The following SLC17A6 variants were observed in gnomAD, a reference collection of about 807,000 sequenced individuals.
SLC17A6 encodes the protein solute carrier family 17 member 6, also known as vesicular glutamate transporter 2.
In SLC17A6, 35 loss-of-function variants were observed where a neutral mutation model predicts 67.1. That is an observed-to-expected ratio of 0.52 (90% CI 0.40 to 0.69). SLC17A6 has a LOEUF of 0.69. Among genes scored for constraint, SLC17A6 ranks in the 30% least tolerant of loss-of-function variants. The probability of loss-of-function intolerance (pLI) is 0.00; values close to 1 mark genes in which losing one functional copy is unlikely to be tolerated. For synonymous variants in SLC17A6, 285 were observed against 252.3 expected, an observed-to-expected ratio of 1.13 and a Z score of -1.23; for missense variants, 588 against 723.9, an observed-to-expected ratio of 0.81 and a Z score of 2.15.
chr11:22,375,925 G>A (rs984362207), intron 9 of SLC17A6, 57 bp from the exon 10 acceptor site: 7 of 1,231,720 alleles, frequency 5.7e-6, no homozygotes, highest in Admixed American at 1.8e-5. Flanking sequence ...AGCAGTTTTG[G>A]CTCATTGGTA....
rs759033853 is a variant in SLC17A6 at position 22,365,660 on chromosome 11, G to A, written c.862G>A (p.Glu288Lys). The part of the protein sequence containing the change: ...ERRYIEESIG[E>K]SANLLGAMEK... Reference sequence around the variant, plus strand: ...TAGGTACATAGAAGAAAGCATTGGAGAGAGTGCAAATCTTTTAGGTGCAAT... The same window carrying A: ...TAGGTACATAGAAGAAAGCATTGGAAAGAGTGCAAATCTTTTAGGTGCAAT... Residue 288 changes from glutamate to lysine, a missense_variant, in exon 7 of 12, where the codon GAG (glutamate) becomes AAG (lysine). By Grantham distance (56) the Glu-to-Lys change is moderately conservative (BLOSUM62 1). Around this residue, in one of 4 missense-constraint regions of SLC17A6, gnomAD observed 414 missense variants for 563.4 expected, o/e 0.73. Coordinates refer to ENST00000263160, the MANE Select transcript of SLC17A6 (RefSeq NM_020346.3). 6.2e-7 allele frequency: 1 copy of A among 1,613,654 alleles called. No individual in the cohort carries two copies. The highest frequency in any genetic ancestry group is 1.1e-5 in the South Asian group (1 of 91,036).
At chr11:22,364,726 T>C in intron 6 of SLC17A6, among the ~76,000 whole-genome samples, 1 of 152,016 alleles carries the variant, frequency 6.6e-6, no homozygotes, top group Admixed American at 6.6e-5. Context: ...GAGGGAAAAA[T>C]GAAATGGCCA....
At chr11:22,373,753 G>A (rs896333252) in intron 8 of SLC17A6, among the ~76,000 whole-genome samples, 1 of 152,088 alleles carries the variant, frequency 6.6e-6, no homozygotes, top group Non-Finnish European at 1.5e-5. Context: ...GGATGGAAGA[G>A]ATCATTCTAT....
chr11:22,345,996 A>C (rs1855871523), intron 3 of SLC17A6, among the ~76,000 whole-genome samples: 1 of 152,214 alleles, frequency 6.6e-6, no homozygotes, highest in East Asian at 1.9e-4. Context: ...ATTTCCTATT[A>C]TGATCTCTTT....
chr11:22,362,138 T>C, intron 5 of SLC17A6: 1 of 269,330 alleles, frequency 3.7e-6, no homozygotes, highest in East Asian at 1.2e-4. Flanking sequence ...ATCATGAGAA[T>C]TGTCAGTATG....
At chr11:22,341,407 G>T (rs879582987) in intron 1 of SLC17A6, 121 bp from the exon 2 acceptor site, 3 of 1,408,512 alleles carry the variant, frequency 2.1e-6, no homozygotes, top group Non-Finnish European at 2.9e-6. Flanking sequence ...TAATCCCCGA[G>T]GGTGGGGGGA....
chr11:22,344,862 C>T (rs1468168400), intron 3 of SLC17A6, among the ~76,000 whole-genome samples: 2 of 151,942 alleles, frequency 1.3e-5, no homozygotes, highest in African/African-American at 2.4e-5. Flanking sequence ...GTTTTTAGAT[C>T]CCCAATATAT....
intron 3 of SLC17A6, among the ~76,000 whole-genome samples, chr11:22,349,939 C>G (rs1021277280): frequency 5.9e-5 from 9 of 152,162 alleles, no homozygotes; most frequent in African/African-American, 2.2e-4. Context: ...GAACACTAGT[C>G]TCCTGTTAAG....
intron 7 of SLC17A6, among the ~76,000 whole-genome samples, chr11:22,366,320 C>T (rs1234651736): frequency 3.9e-5 from 6 of 151,932 alleles, no homozygotes; most frequent in African/African-American, 1.5e-4. Context: ...TAACTGAAAC[C>T]TCAGAAAGTG....
intron 7 of SLC17A6, among the ~76,000 whole-genome samples, chr11:22,366,659 T>C (rs1856116070): frequency 6.6e-6 from 1 of 152,158 alleles, no homozygotes; most frequent in Admixed American, 6.5e-5. Flanking sequence ...ACTGATACAT[T>C]GTACATAGTA....
intron 2 of SLC17A6, among the ~76,000 whole-genome samples, chr11:22,342,563 C>A (rs954414529): frequency 1.3e-5 from 2 of 152,098 alleles, no homozygotes; most frequent in Non-Finnish European, 2.9e-5. Context: ...CCCCAGTTTA[C>A]CTTGAGGTTC....
At position 22,339,362 on chromosome 11, in the gene SLC17A6, T is replaced by A. The variant is rs199865092; in HGVS notation, c.86+743T>A. 5.3e-5 allele frequency among the ~76,000 whole-genome samples: 8 copies of A among 151,712 alleles called. No individual in the cohort carries two copies. The East Asian group carries it at 1.5e-3, about 29-fold the overall frequency. ...TTCTCTGAGCCTGAAACAATGTATATGCATTTTTAATTATTTTCATCTCCT... is the reference window on the plus strand; with the variant it reads ...TTCTCTGAGCCTGAAACAATGTATAAGCATTTTTAATTATTTTCATCTCCT... On this transcript the variant is annotated intron_variant, in intron 1 of 11. Transcript: ENST00000263160.
chr11:22,360,520 T>A (rs1590387794), intron 4 of SLC17A6, among the ~76,000 whole-genome samples: 2 of 127,532 alleles, frequency 1.6e-5, no homozygotes, highest in African/African-American at 2.8e-5. Flanking sequence ...AAAAACCCGC[T>A]CTCCTTCCCC....
chr11:22,371,500 T>C (rs541610069), intron 8 of SLC17A6, among the ~76,000 whole-genome samples: 2 of 151,974 alleles, frequency 1.3e-5, no homozygotes, highest in East Asian at 3.9e-4. Context: ...CTTTGGGAAC[T>C]CTGAGAGGTG....
intron 3 of SLC17A6, among the ~76,000 whole-genome samples, chr11:22,344,046 C>A (rs2133859205): frequency 6.6e-6 from 1 of 152,226 alleles, no homozygotes; most frequent in South Asian, 2.1e-4. Context: ...AGCATAAGAC[C>A]TAAGGACCGA....
chr11:22,352,570 A>T (rs952635240), intron 3 of SLC17A6, among the ~76,000 whole-genome samples: 1 of 152,348 alleles, frequency 6.6e-6, no homozygotes, highest in African/African-American at 2.4e-5. Context: ...AGAACATGCC[A>T]TATGAAAAGC....
chr11:22,365,884 T>G (rs561916946), intron 7 of SLC17A6, among the ~76,000 whole-genome samples, 195 bp downstream of exon 7: 1 of 152,292 alleles, frequency 6.6e-6, no homozygotes, highest in South Asian at 2.1e-4. Flanking sequence ...TTTTTTTCCT[T>G]TATCCTTTCT....
chr11:22,352,802 A>G (rs555659990), intron 3 of SLC17A6, among the ~76,000 whole-genome samples: 3 of 152,302 alleles, frequency 2.0e-5, no homozygotes, highest in South Asian at 4.1e-4. Context: ...GTGGAAGGAC[A>G]CTGAGACAGT....
At chr11:22,362,237 T>C in intron 5 of SLC17A6, 2 of 475,468 alleles carry the variant, frequency 4.2e-6, no homozygotes, top group South Asian at 3.6e-5. Flanking sequence ...CTTCTGGCCA[T>C]GCTTTGAGAA....
Sources: gnomAD v4.1 joint callset for allele counts (sites outside exome capture counted in the v4.1 genomes callset) on GRCh38, gnomAD v4.1.1 for gene constraint, gnomAD v4.1.1 regional missense constraint, MANE v1.5 for transcripts, NCBI Gene and HGNC (gene_info 2026-07-23, HGNC 2026-07-21) for gene names.